The following ADAMTSL3 variants were observed in gnomAD, a reference collection of about 807,000 sequenced individuals.
ADAMTSL3 encodes the protein ADAMTS like 3.
ADAMTSL3 carries 128 observed loss-of-function variants against 201.7 expected under a neutral mutation model. That is an observed-to-expected ratio of 0.63 (90% CI 0.55 to 0.73). ADAMTSL3 has a LOEUF of 0.73. Among genes scored for constraint, ADAMTSL3 ranks in the 30% least tolerant of loss-of-function variants. ADAMTSL3 has a pLI of 0.00. For synonymous variants in ADAMTSL3, 738 were observed against 748.4 expected (o/e 0.99, Z 0.23); for missense variants, 1,990 against 2,119.6 (o/e 0.94, Z 1.20).
intron 15 of ADAMTSL3, among the ~76,000 whole-genome samples, chr15:83,904,033 A>G (rs1285718007): frequency 2.0e-5 from 3 of 150,912 alleles, no homozygotes; most frequent in Non-Finnish European, 2.9e-5. Context: ...TGTCAGCCCC[A>G]CCTGACTTTG....
chr15:83,664,997 GA>G (rs759034913), intron 2 of ADAMTSL3, among the ~76,000 whole-genome samples: 31 of 152,248 alleles, frequency 2.0e-4, no homozygotes, highest in Non-Finnish European at 4.1e-4. Flanking sequence ...TGCTGATCAG[GA>G]GGTGGTGGAG....
intron 3 of ADAMTSL3, among the ~76,000 whole-genome samples, chr15:83,733,852 A>T (rs2062324800): frequency 6.6e-6 from 1 of 152,194 alleles, no homozygotes; most frequent in Admixed American, 6.5e-5. Flanking sequence ...TAGATAATTT[A>T]TTTGGCGTAG....
At chr15:83,822,685 G>A (rs1408231365) in intron 6 of ADAMTSL3, among the ~76,000 whole-genome samples, 7 of 151,406 alleles carry the variant, frequency 4.6e-5, no homozygotes, top group Non-Finnish European at 7.4e-5. Flanking sequence ...ATGGCGGCCG[G>A]GCAGAGACGC....
intron 4 of ADAMTSL3, among the ~76,000 whole-genome samples, chr15:83,782,213 A>G (rs953609574): frequency 6.6e-6 from 1 of 152,232 alleles, no homozygotes; most frequent in Non-Finnish European, 1.5e-5. Context: ...GTGCTGGCTC[A>G]TGCCTGTAAT....
chr15:84,035,319 G>T (rs2068485186), intron 28 of ADAMTSL3, among the ~76,000 whole-genome samples: 1 of 152,176 alleles, frequency 6.6e-6, no homozygotes, highest in South Asian at 2.1e-4. Flanking sequence ...CCCAAAACTT[G>T]TGCACAATAA....
chr15:83,901,665 C>A (rs79856316), intron 15 of ADAMTSL3, among the ~76,000 whole-genome samples: 2,355 of 152,230 alleles, frequency 0.015, 60 homozygotes, highest in African/African-American at 0.051. Context: ...GATGTTAGGG[C>A]AATCTTAAAT....
chr15:83,966,392 A>G (rs933013377), intron 19 of ADAMTSL3, among the ~76,000 whole-genome samples: 16 of 152,364 alleles, frequency 1.1e-4, no homozygotes, highest in Non-Finnish European at 1.0e-4. Context: ...AGAGAATACT[A>G]TAAACACCTC....
chr15:83,826,051 C>T (rs1430676461), intron 6 of ADAMTSL3, among the ~76,000 whole-genome samples: 2 of 152,026 alleles, frequency 1.3e-5, no homozygotes, highest in Non-Finnish European at 2.9e-5. Context: ...ATAACAAGAG[C>T]TTAAAATAAG....
Position 84,014,782 on chromosome 15 carries a change from C to T in ADAMTSL3, c.4156+58C>T, listed in dbSNP as rs73443198. On this transcript the variant is annotated intron_variant, in intron 24 of 29. Coordinates refer to ENST00000286744, the MANE Select transcript of ADAMTSL3 (RefSeq NM_207517.3). The stretch of plus-strand genomic sequence containing the variant: ...CCTCCTGTAATATGCACAAAGTAGG[C>T]CCCAGTTTTGTTGATTTTGGAGTTG... The T allele has an allele frequency of 8.5e-3, 12,686 of 1,498,224 alleles. 886 individuals carry two copies. The African/African-American group carries it at 0.16, about 19-fold the overall frequency. The allele number at this position is 1,498,224 out of a possible 1,614,324, so 92.8% of individuals were successfully genotyped here.
intron 15 of ADAMTSL3, among the ~76,000 whole-genome samples, chr15:83,902,004 A>G (rs1197078023): frequency 1.3e-5 from 2 of 152,210 alleles, no homozygotes; most frequent in Non-Finnish European, 2.9e-5. Context: ...CCAGTTCCCC[A>G]AACTAGAAGC....
intron 2 of ADAMTSL3, among the ~76,000 whole-genome samples, chr15:83,662,583 GA>G (rs1220894743): frequency 1.5e-5 from 2 of 130,126 alleles, no homozygotes; most frequent in South Asian, 2.9e-4. Context: ...AAAAAAAAAA[GA>G]AAAAAAAGAA....
chr15:83,843,138 A>G (rs58145339), intron 7 of ADAMTSL3, among the ~76,000 whole-genome samples: 4 of 152,288 alleles, frequency 2.6e-5, no homozygotes, highest in East Asian at 3.9e-4. Context: ...AGGAAAATGC[A>G]TGTGTATTTA....
intron 25 of ADAMTSL3, among the ~76,000 whole-genome samples, 155 bp from the exon 26 acceptor site, chr15:84,021,255 A>T (rs545732319): frequency 6.6e-6 from 1 of 152,322 alleles, no homozygotes; most frequent in South Asian, 2.1e-4. Flanking sequence ...GGAAAATAAG[A>T]TTTAGAGGAC....
chr15:83,748,618 A>C (rs2062586827), intron 3 of ADAMTSL3, among the ~76,000 whole-genome samples: 1 of 148,392 alleles, frequency 6.7e-6, no homozygotes. Flanking sequence ...CCAATGCACA[A>C]CAGCCTGGGT....
chr15:83,702,349 G>A (rs549353391), intron 2 of ADAMTSL3, among the ~76,000 whole-genome samples: 1 of 152,238 alleles, frequency 6.6e-6, no homozygotes, highest in African/African-American at 2.4e-5. Context: ...CAAGCTGGCT[G>A]CAGAAATTTC....
chr15:83,904,989 G>A lies in ADAMTSL3; in HGVS notation c.1700+5258G>A, dbSNP rs2065806391. On this transcript the variant is annotated intron_variant, in intron 15 of 29. Transcript: ENST00000286744. Reference sequence around the variant, plus strand: ...AGTGCTTTGTGCCAGACCTTGTTCTGAGTGTTCTACGTGGATTAAGTTGTT... The same window carrying A: ...AGTGCTTTGTGCCAGACCTTGTTCTAAGTGTTCTACGTGGATTAAGTTGTT... Among the ~76,000 whole-genome samples, 4 of 152,336 alleles carry A rather than the reference G, an allele frequency of 2.6e-5. No individual in the cohort carries two copies. In the Middle Eastern group the frequency reaches 0.014, roughly 518 times the overall value.
chr15:83,923,889 C>T lies in ADAMTSL3; in HGVS notation c.1988-15C>T, dbSNP rs1189570240. On this transcript the variant is annotated splice_polypyrimidine_tract_variant and intron_variant, in intron 16 of 29. Coordinates refer to ENST00000286744, the MANE Select transcript of ADAMTSL3 (RefSeq NM_207517.3). Reference sequence around the variant, plus strand: ...TTCCATGTCATTTGCATTTTTTCCTCTTTCTAACCTGCAGGCCATCAAGAA... The same window carrying T: ...TTCCATGTCATTTGCATTTTTTCCTTTTTCTAACCTGCAGGCCATCAAGAA... 1.2e-6 allele frequency: 2 copies of T among 1,611,748 alleles called. No individual in the cohort carries two copies. The highest frequency in any genetic ancestry group is 1.7e-5 in the Admixed American group (1 of 59,358).
chr15:83,785,048 A>G (rs1200488916), intron 4 of ADAMTSL3, among the ~76,000 whole-genome samples: 2 of 152,130 alleles, frequency 1.3e-5, no homozygotes, highest in African/African-American at 4.8e-5. Context: ...TCCTTTGAGC[A>G]TTCAGTTCTT....
chr15:83,700,479 T>C (rs1165372634), intron 2 of ADAMTSL3, among the ~76,000 whole-genome samples: 1 of 152,206 alleles, frequency 6.6e-6, no homozygotes, highest in African/African-American at 2.4e-5. Context: ...AAATGATGAT[T>C]CTGGCTGGGC....
Sources: allele counts gnomAD v4.1 joint callset (sites outside exome capture counted in the v4.1 genomes callset), GRCh38; gene constraint gnomAD v4.1.1; transcripts MANE v1.5; gene names NCBI Gene and HGNC (gene_info 2026-07-23, HGNC 2026-07-21).